GRK3: variants seen among roughly 807,000 people sequenced by gnomAD.
GRK3 encodes adrenergic, beta, receptor kinase 2.
In GRK3, 54 loss-of-function variants were observed where a neutral mutation model predicts 95.7. The ratio of observed to expected loss-of-function variants is 0.56; its 90% CI spans 0.45 to 0.71. The LOEUF (loss-of-function observed/expected upper bound fraction) is 0.71. Ranked by LOEUF, GRK3 falls within the 30% of genes least tolerant of loss-of-function variation. The probability of loss-of-function intolerance (pLI) is 0.00; values close to 1 mark genes in which losing one functional copy is unlikely to be tolerated. For missense variants in GRK3, 649 were observed against 851.2 expected, an observed-to-expected ratio of 0.76 and a Z score of 2.96; for synonymous variants, 281 against 290.8, an observed-to-expected ratio of 0.97 and a Z score of 0.34.
intron 7 of GRK3, among the ~76,000 whole-genome samples, chr22:25,673,744 A>G (rs537292879): frequency 6.6e-6 from 1 of 152,222 alleles, no homozygotes; most frequent in African/African-American, 2.4e-5. Context: ...CAGATTCACT[A>G]TCTGTCTTTG....
At chr22:25,640,785 T>TAATC (rs138460812) in intron 2 of GRK3, among the ~76,000 whole-genome samples, 2 of 152,176 alleles carry the variant, frequency 1.3e-5, no homozygotes, top group Non-Finnish European at 2.9e-5. Flanking sequence ...ACTAAAAAGT[T>TAATC]AATCAATATT....
chr22:25,715,286 G>A (rs987948010), intron 18 of GRK3: 1 of 152,320 alleles, frequency 6.6e-6, no homozygotes, highest in African/African-American at 2.4e-5. Context: ...GGCCGAGGCA[G>A]GAGGATCACT....
chr22:25,615,887 A>G (rs2084534196), intron 2 of GRK3, among the ~76,000 whole-genome samples: 1 of 147,554 alleles, frequency 6.8e-6, no homozygotes, highest in South Asian at 2.1e-4. Flanking sequence ...GGAGGGGCCG[A>G]GCCCCTGTGG....
intron 2 of GRK3, among the ~76,000 whole-genome samples, chr22:25,621,080 C>G (rs987589430): frequency 6.6e-6 from 1 of 152,208 alleles, no homozygotes; most frequent in Non-Finnish European, 1.5e-5. Flanking sequence ...TTTAAAAGTG[C>G]GTCACTAGAC....
chr22:25,704,568 G>A (rs2085285203), intron 15 of GRK3, among the ~76,000 whole-genome samples: 2 of 152,084 alleles, frequency 1.3e-5, no homozygotes, highest in Non-Finnish European at 1.5e-5. Flanking sequence ...GTGCTACCAC[G>A]CCTGGCTAAT....
rs779921948 is a variant in GRK3, at chr22:25,678,905, TCAGCA to T, written c.741_745del (p.Ser247ArgfsTer18). The T allele has an allele frequency of 1.3e-6, 2 of 1,586,528 alleles. No homozygotes were observed. The highest frequency in any genetic ancestry group is 1.7e-6 in the Non-Finnish European group (2 of 1,159,316). ...AATGAAAGAATCATGTTGTCTCTTGTCAGCACAGGAGTAAGTATTCAATTTCCAGC... is the reference window on the plus strand; with the variant it reads ...AATGAAAGAATCATGTTGTCTCTTGTCAGGAGTAAGTATTCAATTTCCAGC... On this transcript the variant is annotated frameshift_variant, in exon 9 of 21. Coordinates refer to ENST00000324198, the MANE Select transcript of GRK3 (RefSeq NM_005160.4). LOFTEE classifies it high-confidence loss of function.
In GRK3 at chr22:25,641,814, G is replaced by A. The variant is rs147481288; in HGVS notation, c.191-2778G>A. Among the ~76,000 whole-genome samples the A allele has an allele frequency of 1.7e-4, 26 of 152,268 alleles. 1 individual carries two copies. The highest frequency in any genetic ancestry group is 4.8e-4 in the African/African-American group (20 of 41,554). On this transcript the variant is annotated intron_variant, in intron 2 of 20. Transcript: ENST00000324198. ...GCTTGGCCTAAGTGAAGTGAGCTTG[G>A]GGGGAGCACTGTGAGATGAGGCCAG...
At chr22:25,635,674 C>T (rs765167430) in intron 2 of GRK3, among the ~76,000 whole-genome samples, 9 of 152,176 alleles carry the variant, frequency 5.9e-5, no homozygotes, top group South Asian at 2.1e-4. Context: ...CATAATGTTA[C>T]GTTGTCCCAA....
At chr22:25,684,980 C>T (rs1476151780) in intron 9 of GRK3, among the ~76,000 whole-genome samples, 190 bp from the exon 10 acceptor site, 1 of 152,122 alleles carries the variant, frequency 6.6e-6, no homozygotes, top group Non-Finnish European at 1.5e-5. Flanking sequence ...ACACTAACTA[C>T]CCTGATTAGA....
Position 25,565,166 on chromosome 22 carries a change from C to G in GRK3, c.113+13C>G, listed in dbSNP as rs963987869. The G allele has an allele frequency of 7.0e-7, 1 of 1,418,574 alleles. No homozygotes were observed. The highest frequency in any genetic ancestry group is 1.5e-5 in the African/African-American group (1 of 67,122). 87.9% of individuals were successfully genotyped at this position (1,418,574 alleles called of 1,614,324 possible). On this transcript the variant is annotated intron_variant, in intron 1 of 20. Transcript: ENST00000324198. ...TGCCGGAGCCCAGGTACCAGCTGCC[C>G]CGGCCGGCGCCGGCCCCAAGCCGCC...
At chr22:25,648,993 G>C in intron 3 of GRK3, 2 of 1,088,388 alleles carry the variant, frequency 1.8e-6, no homozygotes, top group Non-Finnish European at 2.9e-6. Context: ...TCTACAGACA[G>C]AACTGGTAAC....
chr22:25,654,215 A>G (rs867490709), intron 3 of GRK3, among the ~76,000 whole-genome samples: 2 of 152,216 alleles, frequency 1.3e-5, no homozygotes, highest in Non-Finnish European at 2.9e-5. Context: ...GAAATTAGAA[A>G]CTATTTTTAA....
chr22:25,594,602 G>A (rs552041723), intron 1 of GRK3, among the ~76,000 whole-genome samples: 19 of 152,262 alleles, frequency 1.2e-4, no homozygotes, highest in Non-Finnish European at 2.4e-4. Context: ...AAACTGGCCC[G>A]GTGCAGTGGC....
rs199712478 is a variant in GRK3 at position 25,566,907 on chromosome 22, T to TGG, written c.113+1761_113+1762dup. ...CTCAACTCATGGGCAGTTTTTTTTTTGGGGGGGGCTAGTATATAATATTAA... is the reference window on the plus strand; with the variant it reads ...CTCAACTCATGGGCAGTTTTTTTTTTGGGGGGGGGGCTAGTATATAATATTAA... On this transcript the variant is annotated intron_variant, in intron 1 of 20. Transcript: ENST00000324198. Among the ~76,000 whole-genome samples, 41 of 149,282 alleles carry TGG rather than the reference T, an allele frequency of 2.7e-4. No homozygotes were observed. In the Middle Eastern group the frequency reaches 0.014, roughly 51 times the overall value.
chr22:25,587,751 G>C (rs543220793), intron 1 of GRK3, among the ~76,000 whole-genome samples: 73 of 152,140 alleles, frequency 4.8e-4, no homozygotes, highest in African/African-American at 1.5e-3. Context: ...CACTGTTCTC[G>C]TGGCAGTGAG....
chr22:25,580,020 C>T (rs990568399), intron 1 of GRK3, among the ~76,000 whole-genome samples: 1 of 151,886 alleles, frequency 6.6e-6, no homozygotes, highest in Non-Finnish European at 1.5e-5. Flanking sequence ...TAATGTGAGG[C>T]AATATAAGTA....
chr22:25,565,328 G>C (rs1292455324), intron 1 of GRK3, among the ~76,000 whole-genome samples, 175 bp downstream of exon 1: 1 of 152,122 alleles, frequency 6.6e-6, no homozygotes, highest in Non-Finnish European at 1.5e-5. Flanking sequence ...ATGGGGCATC[G>C]GAGGGCCGGT....
chr22:25,568,233 G>A (rs1931561442), intron 1 of GRK3, among the ~76,000 whole-genome samples: 1 of 152,062 alleles, frequency 6.6e-6, no homozygotes, highest in South Asian at 2.1e-4. Context: ...CACAAGCAAA[G>A]GCCCACAAAG....
chr22:25,597,524 G>A (rs1310167133), intron 1 of GRK3, among the ~76,000 whole-genome samples: 6 of 152,068 alleles, frequency 3.9e-5, no homozygotes, highest in East Asian at 1.9e-4. Context: ...ACTATGCATC[G>A]TATGTATCAA....
Sources: allele counts gnomAD v4.1 joint callset (sites outside exome capture counted in the v4.1 genomes callset), GRCh38; gene constraint gnomAD v4.1.1; transcripts MANE v1.5; gene names NCBI Gene and HGNC (gene_info 2026-07-23, HGNC 2026-07-21).